The following UBE2R2 variants were observed in gnomAD, a reference collection of about 807,000 sequenced individuals.
The protein encoded by UBE2R2 is ubiquitin conjugating enzyme E2 R2, also known as ubiquitin-conjugating enzyme E2 R2.
Under a neutral mutation model 27.8 loss-of-function variants are expected in UBE2R2, and 1 was observed. The observed-to-expected ratio is 0.04, with a 90% CI of 0.01 to 0.17. The LOEUF is 0.17. Ranked by LOEUF, UBE2R2 falls within the 10% of genes least tolerant of loss-of-function variation. The pLI is 1.00. For missense variants in UBE2R2, 100 were observed against 291.0 expected (o/e 0.34, Z 4.78); for synonymous variants, 106 against 113.3 (o/e 0.94, Z 0.41).
chr9:33,863,207 AGAAG>A (rs1821284269), intron 1 of UBE2R2, among the ~76,000 whole-genome samples: 1 of 150,802 alleles, frequency 6.6e-6, no homozygotes, highest in African/African-American at 2.4e-5. Flanking sequence ...AAAAAAAAGA[AGAAG>A]AAAAGAAAGA....
intron 3 of UBE2R2, among the ~76,000 whole-genome samples, chr9:33,907,259 G>A (rs537405523): frequency 6.6e-6 from 1 of 152,332 alleles, no homozygotes; most frequent in East Asian, 1.9e-4. Context: ...ACTGTAAAGT[G>A]AGGTGCTTTT....
At position 33,859,795 on chromosome 9, in the gene UBE2R2, T is replaced by TGAGAGA. The variant is rs1056972987; in HGVS notation, c.178-27085_178-27084insAGAGAG. Among the ~76,000 whole-genome samples, 796 of 82,086 alleles carry TGAGAGA rather than the reference T, an allele frequency of 9.7e-3. 5 individuals carry two copies. Among genetic ancestry groups the TGAGAGA allele is most frequent in the African/African-American group, 0.035 (722 of 20,908 alleles). The allele number at this position is 82,086 out of a possible 152,430, so 53.9% of individuals were successfully genotyped here. ...GTGTGTGTGTGTGTGTGTGTGTGTG[T>TGAGAGA]GTGTGAGAGAGAGAGAGAGAGAGAG... On this transcript the variant is annotated intron_variant, in intron 1 of 4. Transcript: ENST00000263228.
Position 33,861,847 on chromosome 9 carries a change from C to CTTT in UBE2R2, c.178-25012_178-25010dup, listed in dbSNP as rs775634986. On this transcript the variant is annotated intron_variant, in intron 1 of 4. Transcript: ENST00000263228. Reference sequence around the variant, plus strand: ...GAGATACCATTTGTTGATCCACTTTCTTTTTTTTTTTTTTTTTTTTTTTTA... The same window carrying CTTT: ...GAGATACCATTTGTTGATCCACTTTCTTTTTTTTTTTTTTTTTTTTTTTTTTTA... Among the ~76,000 whole-genome samples, 144 of 95,420 alleles carry CTTT rather than the reference C, an allele frequency of 1.5e-3. 1 individual carries two copies. Among genetic ancestry groups the CTTT allele is most frequent in the Non-Finnish European group, 2.3e-3 (106 of 46,592 alleles). The allele number at this position is 95,420 out of a possible 152,430, so 62.6% of individuals were successfully genotyped here.
chr9:33,871,152 G>GT (rs1821476861), intron 1 of UBE2R2, among the ~76,000 whole-genome samples: 1 of 152,252 alleles, frequency 6.6e-6, no homozygotes, highest in Admixed American at 6.5e-5. Flanking sequence ...TAAGCAACTA[G>GT]TAGAGATTTC....
chr9:33,844,495 C>T (rs913795668), intron 1 of UBE2R2, among the ~76,000 whole-genome samples: 3 of 150,692 alleles, frequency 2.0e-5, no homozygotes, highest in East Asian at 1.9e-4. Context: ...TGAGCCACCA[C>T]GCCTAGCTGT....
At chr9:33,866,891 C>T (rs1821375946) in intron 1 of UBE2R2, among the ~76,000 whole-genome samples, 1 of 152,102 alleles carries the variant, frequency 6.6e-6, no homozygotes, top group South Asian at 2.1e-4. Context: ...TTGTGAATAA[C>T]TTCTTCCACT....
At chr9:33,901,469 G>T (rs950698212) in intron 3 of UBE2R2, among the ~76,000 whole-genome samples, 3 of 152,208 alleles carry the variant, frequency 2.0e-5, no homozygotes, top group African/African-American at 7.2e-5. Context: ...CAACTAAGGA[G>T]AGGGTGGCTA....
chr9:33,916,963 A>G, intron 4 of UBE2R2, 55 bp from the exon 5 acceptor site: 1 of 1,595,628 alleles, frequency 6.3e-7, no homozygotes, highest in South Asian at 1.1e-5. Context: ...CCAATTATAA[A>G]TCTGTCTTAA....
intron 2 of UBE2R2, among the ~76,000 whole-genome samples, chr9:33,894,226 G>C (rs1822049230): frequency 6.6e-6 from 1 of 151,974 alleles, no homozygotes; most frequent in Non-Finnish European, 1.5e-5. Flanking sequence ...GAGGCTAGGA[G>C]TTTGAGACCA....
At chr9:33,914,824 G>A (rs13293795) in intron 4 of UBE2R2, among the ~76,000 whole-genome samples, 39,804 of 149,190 alleles carry the variant, frequency 0.27, 5,466 homozygotes, top group South Asian at 0.41. Flanking sequence ...GCAAGACACC[G>A]TCTCAAAAGA....
intron 1 of UBE2R2, among the ~76,000 whole-genome samples, chr9:33,869,173 G>A (rs866568530): frequency 7.9e-5 from 12 of 152,068 alleles, no homozygotes; most frequent in African/African-American, 2.7e-4. Context: ...GGAGGCTGAG[G>A]TAGGAGGATT....
At chr9:33,875,170 A>G (rs1017044897) in intron 1 of UBE2R2, among the ~76,000 whole-genome samples, 1 of 152,088 alleles carries the variant, frequency 6.6e-6, no homozygotes, top group Admixed American at 6.6e-5. Flanking sequence ...CACCAACTAA[A>G]TAACATGTAT....
chr9:33,846,405 A>T (rs1820847562), intron 1 of UBE2R2, among the ~76,000 whole-genome samples: 1 of 152,084 alleles, frequency 6.6e-6, no homozygotes. Flanking sequence ...TTTTTTTAGG[A>T]TAGTTACATT....
chr9:33,906,661 G>C (rs1311434176), intron 3 of UBE2R2, among the ~76,000 whole-genome samples: 1 of 152,202 alleles, frequency 6.6e-6, no homozygotes. Flanking sequence ...AGCTAACAGA[G>C]AAAGGGTTAT....
In UBE2R2 at chr9:33,835,272, G is replaced by A. The variant is rs781394953; in HGVS notation, c.177+17338G>A. 1.3e-4 allele frequency among the ~76,000 whole-genome samples: 19 copies of A among 148,172 alleles called. 1 individual carries two copies. The highest frequency in any genetic ancestry group is 4.8e-4 in the Admixed American group (7 of 14,492). ...AGTGATTCTCTTGTCTCAGCCTCCCGAGTAGTTGGGACTACAGGCACCCAC... is the reference window on the plus strand; with the variant it reads ...AGTGATTCTCTTGTCTCAGCCTCCCAAGTAGTTGGGACTACAGGCACCCAC... On this transcript the variant is annotated intron_variant, in intron 1 of 4. Coordinates refer to ENST00000263228, the MANE Select transcript of UBE2R2 (RefSeq NM_017811.4).
chr9:33,836,474 T>A (rs946461584), intron 1 of UBE2R2, among the ~76,000 whole-genome samples: 21 of 152,022 alleles, frequency 1.4e-4, no homozygotes, highest in African/African-American at 4.8e-4. Flanking sequence ...TAGAATATTT[T>A]GCTGGGCTTG....
intron 1 of UBE2R2, among the ~76,000 whole-genome samples, chr9:33,830,399 T>C (rs1352044443): frequency 5.6e-5 from 8 of 143,846 alleles, no homozygotes; most frequent in Middle Eastern, 3.9e-3. Flanking sequence ...TCATGTGATC[T>C]GCCCGCCTCG....
At chr9:33,873,297 C>T (rs1045937044) in intron 1 of UBE2R2, among the ~76,000 whole-genome samples, 1 of 151,536 alleles carries the variant, frequency 6.6e-6, no homozygotes, top group African/African-American at 2.4e-5. Context: ...TTTTTTCCCC[C>T]ACCCCTTAGC....
chr9:33,898,880 C>G (rs1332315711), intron 2 of UBE2R2, among the ~76,000 whole-genome samples: 1 of 152,184 alleles, frequency 6.6e-6, no homozygotes, highest in Non-Finnish European at 1.5e-5. Context: ...GAATTGTGTT[C>G]TGTATTGCAC....
Sources: gnomAD v4.1 joint callset for allele counts (sites outside exome capture counted in the v4.1 genomes callset) on GRCh38, gnomAD v4.1.1 for gene constraint, MANE v1.5 for transcripts, NCBI Gene and HGNC (gene_info 2026-07-23, HGNC 2026-07-21) for gene names.